Variants in GRID2 observed in about 807,000 individuals in gnomAD.
The protein encoded by GRID2 is glutamate receptor ionotropic, delta-2.
A neutral mutation model predicts 114.8 loss-of-function variants in GRID2; 33 were observed. That is an observed-to-expected ratio of 0.29 (90% CI 0.22 to 0.38). The LOEUF (loss-of-function observed/expected upper bound fraction) is 0.38. Ranked by LOEUF, GRID2 falls within the 10% of genes least tolerant of loss-of-function variation. The pLI, the probability that GRID2 is intolerant of heterozygous loss-of-function variation, is 1.00. For synonymous variants in GRID2, 505 were observed against 449.9 expected, an observed-to-expected ratio of 1.12 and a Z score of -1.55; for missense variants, 1,184 against 1,257.7, an observed-to-expected ratio of 0.94 and a Z score of 0.89.
chr4:92,948,925 C>T (rs1179374680), intron 2 of GRID2, among the ~76,000 whole-genome samples: 1 of 151,658 alleles, frequency 6.6e-6, no homozygotes, highest in Admixed American at 6.6e-5. Context: ...GGAATAATAT[C>T]AGTTTTTTTT....
intron 13 of GRID2, among the ~76,000 whole-genome samples, chr4:93,523,691 G>A (rs6841321): frequency 0.2 from 30,894 of 151,966 alleles, 3,499 homozygotes; most frequent in Middle Eastern, 0.3. Context: ...TGAGGTGTGG[G>A]GCCCCTCTTC....
At chr4:93,708,278 G>A (rs1728180619) in intron 14 of GRID2, among the ~76,000 whole-genome samples, 1 of 151,772 alleles carries the variant, frequency 6.6e-6, no homozygotes. Flanking sequence ...AATCTTTCCA[G>A]TGCTGTAAGT....
chr4:93,240,251 C>T (rs972747531), intron 8 of GRID2, among the ~76,000 whole-genome samples: 1 of 151,598 alleles, frequency 6.6e-6, no homozygotes, highest in Non-Finnish European at 1.5e-5. Flanking sequence ...TACATACCAC[C>T]AGCAGTGCAG....
chr4:92,803,065 G>A (rs1740250658), intron 2 of GRID2, among the ~76,000 whole-genome samples: 1 of 151,792 alleles, frequency 6.6e-6, no homozygotes, highest in Admixed American at 6.6e-5. Context: ...GGTAATATCA[G>A]GATATTTTTT....
At chr4:93,352,167 G>A (rs1416212563) in intron 8 of GRID2, among the ~76,000 whole-genome samples, 1 of 151,970 alleles carries the variant, frequency 6.6e-6, no homozygotes, top group African/African-American at 2.4e-5. Context: ...ATAATTCCAA[G>A]CCAGGCATTC....
At chr4:93,453,538 C>A (rs772997432) in intron 10 of GRID2, among the ~76,000 whole-genome samples, 2 of 151,958 alleles carry the variant, frequency 1.3e-5, no homozygotes, top group South Asian at 2.1e-4. Flanking sequence ...GTAGCACATA[C>A]AAATAATCAG....
At chr4:93,744,332 T>C (rs1202084222) in intron 14 of GRID2, among the ~76,000 whole-genome samples, 1 of 152,180 alleles carries the variant, frequency 6.6e-6, no homozygotes, top group Non-Finnish European at 1.5e-5. Flanking sequence ...GCAAACTAAA[T>C]TGAAAAACCT....
intron 14 of GRID2, among the ~76,000 whole-genome samples, chr4:93,725,744 C>A (rs1343462818): frequency 1.3e-5 from 2 of 152,096 alleles, no homozygotes; most frequent in East Asian, 1.9e-4. Context: ...TGATGATGAG[C>A]ATTTTTTCAT....
intron 1 of GRID2, among the ~76,000 whole-genome samples, chr4:92,544,305 A>G (rs1299578411): frequency 1.3e-5 from 2 of 152,258 alleles, no homozygotes; most frequent in South Asian, 2.1e-4. Flanking sequence ...CATAATCATC[A>G]TTTTATAAAA....
At chr4:92,518,262 C>A (rs1283170471) in intron 1 of GRID2, among the ~76,000 whole-genome samples, 3 of 151,658 alleles carry the variant, frequency 2.0e-5, no homozygotes, top group African/African-American at 4.8e-5. Context: ...AAGGTTAGCT[C>A]AACAGGCTTA....
At chr4:92,571,609 C>T (rs1727627730) in intron 1 of GRID2, among the ~76,000 whole-genome samples, 1 of 152,138 alleles carries the variant, frequency 6.6e-6, no homozygotes, top group South Asian at 2.1e-4. Flanking sequence ...CGCACTTATT[C>T]CAAAATTGAC....
intron 13 of GRID2, among the ~76,000 whole-genome samples, chr4:93,533,302 C>CTTCT (rs1731683388): frequency 8.9e-6 from 1 of 112,528 alleles, no homozygotes; most frequent in African/African-American, 3.0e-5. Flanking sequence ...TCCTTCCTTC[C>CTTCT]TTCCTTCCTT....
intron 1 of GRID2, among the ~76,000 whole-genome samples, chr4:92,438,578 C>G (rs1311028832): frequency 6.8e-6 from 1 of 146,914 alleles, no homozygotes. Flanking sequence ...AGTTTACCTT[C>G]TGTGTGTGTG....
At position 93,804,737 on chromosome 4, in the gene GRID2, G is replaced by A. The variant is rs558368080; in HGVS notation, c.222-1978G>A. 1.3e-3 allele frequency among the ~76,000 whole-genome samples: 201 copies of A among 152,268 alleles called. 2 individuals are homozygous for A. The highest frequency in any genetic ancestry group is 4.5e-3 in the African/African-American group (188 of 41,558). On this transcript the variant is annotated intron_variant, in intron 1 of 1. Transcript: ENST00000637838. ...GCTGCACAACTTTTTGTTCTTTGAA[G>A]TCACAGGGCCCCTCAAGTAAAAATG...
chr4:93,271,582 G>C (rs949321411), intron 8 of GRID2, among the ~76,000 whole-genome samples: 3 of 152,182 alleles, frequency 2.0e-5, no homozygotes, highest in Admixed American at 2.0e-4. Context: ...ACCAGGGCCA[G>C]AGTTTGAATT....
intron 2 of GRID2, among the ~76,000 whole-genome samples, chr4:92,863,547 C>T (rs1202846200): frequency 6.6e-6 from 1 of 152,108 alleles, no homozygotes; most frequent in Non-Finnish European, 1.5e-5. Flanking sequence ...TACTCTGCAG[C>T]CCTCATTCCA....
At chr4:93,801,212 A>G (rs1471117392) in intron 1 of GRID2, among the ~76,000 whole-genome samples, 1 of 152,138 alleles carries the variant, frequency 6.6e-6, no homozygotes, top group Non-Finnish European at 1.5e-5. Flanking sequence ...AAACCAGATA[A>G]TTACCAAATT....
intron 1 of GRID2, among the ~76,000 whole-genome samples, chr4:92,401,658 AT>A (rs1293665150): frequency 6.6e-6 from 1 of 152,224 alleles, no homozygotes; most frequent in Non-Finnish European, 1.5e-5. Context: ...TCAAAACATA[AT>A]TAACATTTAA....
intron 2 of GRID2, among the ~76,000 whole-genome samples, chr4:92,966,942 A>C (rs899994449): frequency 6.6e-6 from 1 of 151,974 alleles, no homozygotes; most frequent in Non-Finnish European, 1.5e-5. Flanking sequence ...GATCTGATAT[A>C]GGCACCGTTG....
Sources: allele counts gnomAD v4.1 joint callset (sites outside exome capture counted in the v4.1 genomes callset), GRCh38; gene constraint gnomAD v4.1.1; transcripts MANE v1.5; gene names NCBI Gene and HGNC (gene_info 2026-07-23, HGNC 2026-07-21).